CSGALNACT2: variants seen among roughly 807,000 people sequenced by gnomAD.
CSGALNACT2 encodes beta 4 GalNAcT-2.
Under a neutral mutation model 55.3 loss-of-function variants are expected in CSGALNACT2, and 35 were observed. The observed-to-expected ratio is 0.63, with a 90% CI of 0.48 to 0.84. CSGALNACT2 has a LOEUF of 0.84. CSGALNACT2 is among the 40% of genes least tolerant of loss of function. CSGALNACT2 has a pLI of 0.00. For missense variants in CSGALNACT2, 544 were observed against 657.5 expected (o/e 0.83, Z 1.89); for synonymous variants, 196 against 224.9 (o/e 0.87, Z 1.15).
intron 4 of CSGALNACT2, among the ~76,000 whole-genome samples, chr10:43,161,640 C>G (rs1325215149): frequency 6.6e-6 from 1 of 152,130 alleles, no homozygotes. Context: ...TGTATATAGA[C>G]ACAATTCACT....
chr10:43,153,605 T>G (rs1302166318), intron 1 of CSGALNACT2, among the ~76,000 whole-genome samples: 9 of 152,084 alleles, frequency 5.9e-5, no homozygotes, highest in Non-Finnish European at 1.2e-4. Flanking sequence ...ATCTTCCAGG[T>G]TTTGCTGCAG....
At chr10:43,168,382 C>T (rs960986404) in intron 6 of CSGALNACT2, among the ~76,000 whole-genome samples, 6 of 151,864 alleles carry the variant, frequency 4.0e-5, no homozygotes, top group East Asian at 1.9e-4. Context: ...ACCTGGGAGG[C>T]GGAGGTTGCA....
intron 1 of CSGALNACT2, among the ~76,000 whole-genome samples, chr10:43,150,487 G>T (rs1838853606): frequency 6.6e-6 from 1 of 152,148 alleles, no homozygotes; most frequent in South Asian, 2.1e-4. Flanking sequence ...TAATTTCTCT[G>T]GGTATAGAAT....
intron 1 of CSGALNACT2, among the ~76,000 whole-genome samples, chr10:43,142,290 C>G (rs891898707): frequency 6.6e-6 from 1 of 152,058 alleles, no homozygotes; most frequent in Admixed American, 6.5e-5. Context: ...TGGCTCACTG[C>G]AACCTCTGTT....
intron 1 of CSGALNACT2, among the ~76,000 whole-genome samples, chr10:43,146,114 T>C (rs1447251664): frequency 1.3e-5 from 2 of 152,238 alleles, no homozygotes; most frequent in East Asian, 3.9e-4. Flanking sequence ...GAGAATTGAC[T>C]CACACCATCA....
chr10:43,166,478 C>T (rs1006300015), intron 5 of CSGALNACT2, among the ~76,000 whole-genome samples: 1 of 152,232 alleles, frequency 6.6e-6, no homozygotes, highest in Admixed American at 6.5e-5. Context: ...TCTCCAAGGG[C>T]TATTATATCA....
intron 6 of CSGALNACT2, 68 bp downstream of exon 6, chr10:43,167,166 A>G (rs1010545695): frequency 1.0e-6 from 1 of 998,938 alleles, no homozygotes; most frequent in Non-Finnish European, 1.6e-6. Flanking sequence ...TTGTGTAAGT[A>G]GAAAACAAAG....
Position 43,160,597 on chromosome 10 carries a change from T to C in CSGALNACT2, c.980+2T>C. ...GTCTATCCTAGAATCTGTCACCAGG[T>C]TGGTGAACCACATCTGCAGTGAAGG... is the stretch of plus-strand genomic sequence containing the variant. On this transcript the variant is annotated splice_donor_variant, in intron 4 of 7. Coordinates refer to ENST00000374466, the MANE Select transcript of CSGALNACT2 (RefSeq NM_018590.5). LOFTEE classifies it high-confidence loss of function. The C allele has an allele frequency of 2.2e-6, 3 of 1,386,702 alleles. No homozygotes were observed. The highest frequency in any genetic ancestry group is 3.1e-6 in the Non-Finnish European group (3 of 973,962). The allele number at this position is 1,386,702 out of a possible 1,614,324, so 85.9% of individuals were successfully genotyped here. A position where few individuals can be genotyped will look rare whatever the true frequency, so the allele number is the denominator to read the frequency against.
In CSGALNACT2 at chr10:43,175,971, C is replaced by T. The variant is rs1839473875; in HGVS notation, c.1275C>T (p.Gly425=). ...CTAAGGTTCACAAAAAGGATTCTGG[C>T]TTTTGGCGAGATTTTGGCTTTGGAA... is the stretch of plus-strand genomic sequence containing the variant. ...EQQLVHKKDS[G]FWRDFGFGMT... The change falls in exon 7 of 8, where the codon GGC becomes GGT. Residue 425 remains glycine (G), a synonymous_variant. Coordinates refer to ENST00000374466, the MANE Select transcript of CSGALNACT2 (RefSeq NM_018590.5). 5 of 1,604,146 alleles carry T rather than the reference C, an allele frequency of 3.1e-6. No homozygotes were observed. Among genetic ancestry groups the T allele is most frequent in the Admixed American group, 1.7e-5 (1 of 58,440 alleles).
chr10:43,177,163 T>C (rs1352135265), intron 7 of CSGALNACT2, among the ~76,000 whole-genome samples: 2 of 152,216 alleles, frequency 1.3e-5, no homozygotes, highest in Non-Finnish European at 2.9e-5. Flanking sequence ...CTCTTTTCCT[T>C]GATTTCTTGC....
At chr10:43,143,486 T>C (rs1212748510) in intron 1 of CSGALNACT2, among the ~76,000 whole-genome samples, 4 of 141,224 alleles carry the variant, frequency 2.8e-5, no homozygotes, top group African/African-American at 1.1e-4. Flanking sequence ...AAGTTTGCTC[T>C]CCAAAAATGT....
intron 4 of CSGALNACT2, chr10:43,163,600 T>C (rs2133128452): frequency 1.0e-6 from 1 of 985,350 alleles, no homozygotes; most frequent in South Asian, 4.7e-5. Flanking sequence ...CCCCAAAAGG[T>C]GTTTAAGATT....
At chr10:43,163,818 G>C in intron 4 of CSGALNACT2, 48 bp from the exon 5 acceptor site, 1 of 1,540,698 alleles carries the variant, frequency 6.5e-7, no homozygotes, top group Middle Eastern at 1.7e-4. Context: ...AAGAAAATTG[G>C]TAACTTTAAG....
At chr10:43,166,936 G>C (rs969643969) in intron 5 of CSGALNACT2, 68 bp from the exon 6 acceptor site, 8 of 854,020 alleles carry the variant, frequency 9.4e-6, no homozygotes, top group Non-Finnish European at 1.5e-5. Context: ...AAACTTAATA[G>C]ATATTGCAAT....
At chr10:43,148,137 T>G (rs1053376109) in intron 1 of CSGALNACT2, among the ~76,000 whole-genome samples, 2 of 152,220 alleles carry the variant, frequency 1.3e-5, no homozygotes, top group Admixed American at 1.3e-4. Context: ...CAGTACTATT[T>G]ATTGAAAAAA....
At chr10:43,171,989 T>G (rs538461856) in intron 6 of CSGALNACT2, among the ~76,000 whole-genome samples, 1 of 152,220 alleles carries the variant, frequency 6.6e-6, no homozygotes. Context: ...GTTAGGTCAC[T>G]GCTTTTAAAA....
intron 5 of CSGALNACT2, among the ~76,000 whole-genome samples, chr10:43,164,875 T>C (rs1295441257): frequency 6.6e-6 from 1 of 150,494 alleles, no homozygotes; most frequent in Non-Finnish European, 1.5e-5. Flanking sequence ...AATGAGAAGA[T>C]GACATTTTTT....
At chr10:43,170,831 C>T (rs1413686785) in intron 6 of CSGALNACT2, among the ~76,000 whole-genome samples, 1 of 152,174 alleles carries the variant, frequency 6.6e-6, no homozygotes, top group African/African-American at 2.4e-5. Context: ...AGCTCACAGT[C>T]CTCTTCCAAA....
chr10:43,169,183 T>C (rs1839332968), intron 6 of CSGALNACT2, among the ~76,000 whole-genome samples: 1 of 152,190 alleles, frequency 6.6e-6, no homozygotes. Context: ...CCTGAGACCC[T>C]GTTCTAATCT....
Sources: gnomAD v4.1 joint callset for allele counts (sites outside exome capture counted in the v4.1 genomes callset) on GRCh38, gnomAD v4.1.1 for gene constraint, MANE v1.5 for transcripts, NCBI Gene and HGNC (gene_info 2026-07-23, HGNC 2026-07-21) for gene names.